Variants in CPEB4 observed in about 807,000 individuals in gnomAD.
CPEB4 encodes cytoplasmic polyadenylation element binding protein 4, also known as cytoplasmic polyadenylation element-binding protein 4.
Under a neutral mutation model 72.5 loss-of-function variants are expected in CPEB4, and 12 were observed. The observed-to-expected ratio is 0.17, with a 90% CI of 0.11 to 0.27. The LOEUF (loss-of-function observed/expected upper bound fraction) is 0.27. Among genes scored for constraint, CPEB4 ranks in the 10% least tolerant of loss-of-function variants. CPEB4 has a pLI of 1.00. For synonymous variants in CPEB4, 302 were observed against 326.3 expected (o/e 0.93, Z 0.80); for missense variants, 614 against 908.5 (o/e 0.68, Z 4.17).
intron 2 of CPEB4, among the ~76,000 whole-genome samples, chr5:173,913,164 CTTAGG>C (rs1376516350): frequency 7.3e-5 from 11 of 150,850 alleles, no homozygotes; most frequent in Non-Finnish European, 1.6e-4. Context: ...CTAACTAATA[CTTAGG>C]TTAGATAAAA....
At chr5:173,938,281 G>A (rs548182675) in intron 3 of CPEB4, among the ~76,000 whole-genome samples, 10 of 152,068 alleles carry the variant, frequency 6.6e-5, no homozygotes, top group South Asian at 4.2e-4. Flanking sequence ...GCTGGAGTGC[G>A]GTGGTGCAAT....
intron 2 of CPEB4, among the ~76,000 whole-genome samples, chr5:173,927,454 G>A (rs1757285831): frequency 6.6e-6 from 1 of 152,122 alleles, no homozygotes; most frequent in Non-Finnish European, 1.5e-5. Flanking sequence ...TTGCTTTGTA[G>A]CTACAAATAA....
chr5:173,951,868 G>A lies in CPEB4; in HGVS notation c.1710G>A (p.Met570Ile). ...ATCTCAGTGACAGTGACTTTGTGAT[G>A]GATGGTTCACAGCCACTTGACCCAC... ...PWNLSDSDFV[M>I]DGSQPLDPRK... The change falls in exon 8 of 10, where the codon ATG (methionine) becomes ATA (isoleucine). Residue 570 changes from methionine (M) to isoleucine (I), a missense_variant. Met to Ile is a conservative substitution (Grantham distance 10, BLOSUM62 1). Coordinates refer to ENST00000265085, the MANE Select transcript of CPEB4 (RefSeq NM_030627.4). The A allele has an allele frequency of 6.2e-7, 1 of 1,613,872 alleles. No individual in the cohort carries two copies. The highest frequency in any genetic ancestry group is 8.5e-7 in the Non-Finnish European group (1 of 1,179,832).
chr5:173,900,426 A>G lies in CPEB4; in HGVS notation c.1125+9568A>G, dbSNP rs1178771600. 6.6e-6 allele frequency among the ~76,000 whole-genome samples: 1 copy of G among 151,978 alleles called. No individual in the cohort carries two copies. ...GTCTCAAAAAAAAAAAAAGTTGTAC[A>G]TTAGGGTGGACCCCTCTCCCTGCTG... is the stretch of plus-strand genomic sequence containing the variant. On this transcript the variant is annotated intron_variant, in intron 1 of 9. Transcript: ENST00000265085. The surrounding 1 kb of genome is among the most constrained non-coding windows in gnomAD (Gnocchi z 4.4).
chr5:173,943,066 C>G lies in CPEB4; in HGVS notation c.1282+17C>G, dbSNP rs1554095147. ...GAAGGAGAGGTAACATTGTTTTTAACTTTTAAATGTATCACTTGTATTTGG... is the reference window on the plus strand; with the variant it reads ...GAAGGAGAGGTAACATTGTTTTTAAGTTTTAAATGTATCACTTGTATTTGG... On this transcript the variant is annotated intron_variant, in intron 4 of 9. Coordinates refer to ENST00000265085, the MANE Select transcript of CPEB4 (RefSeq NM_030627.4). 2 of 1,609,620 alleles carry G rather than the reference C, an allele frequency of 1.2e-6. No homozygotes were observed. The highest frequency in any genetic ancestry group is 1.7e-6 in the Non-Finnish European group (2 of 1,177,824).
chr5:173,899,246 T>C (rs955945136), intron 1 of CPEB4, among the ~76,000 whole-genome samples: 4 of 152,242 alleles, frequency 2.6e-5, no homozygotes, highest in African/African-American at 9.6e-5. Context: ...TGGACAATCT[T>C]GTTTCATCTA....
At chr5:173,917,743 A>G (rs1456343527) in intron 2 of CPEB4, among the ~76,000 whole-genome samples, 1 of 152,250 alleles carries the variant, frequency 6.6e-6, no homozygotes, top group Non-Finnish European at 1.5e-5. Context: ...ATAAAAAAGA[A>G]GAAGAAATGG....
At chr5:173,952,797 G>C (rs1758254834) in intron 8 of CPEB4, among the ~76,000 whole-genome samples, 1 of 152,078 alleles carries the variant, frequency 6.6e-6, no homozygotes, top group African/African-American at 2.4e-5. Flanking sequence ...CTGTGACCTT[G>C]GACAGATGGA....
intron 3 of CPEB4, among the ~76,000 whole-genome samples, chr5:173,939,369 ATAC>A (rs1757745404): frequency 6.6e-6 from 1 of 152,082 alleles, no homozygotes; most frequent in Admixed American, 6.6e-5. Context: ...ACATACATAC[ATAC>A]AAATGCCACC....
rs1281515159 is a variant in CPEB4 at position 173,957,581 on chromosome 5, T to C, written c.*1444T>C. 3 of 152,792 alleles carry C rather than the reference T, an allele frequency of 2.0e-5. No homozygotes were observed. Among genetic ancestry groups the C allele is most frequent in the Non-Finnish European group, 2.9e-5 (2 of 68,032 alleles). 9.5% of individuals were successfully genotyped at this position (152,792 alleles called of 1,614,324 possible). A position where few individuals can be genotyped will look rare whatever the true frequency, so the allele number is the denominator to read the frequency against. ...CTTCAGGGGTAAATTTAAAATAGTC[T>C]CTTGAAGCCCTAGTCATGGAAGTAA... is the stretch of plus-strand genomic sequence containing the variant. On this transcript the variant is annotated 3_prime_UTR_variant, in exon 10 of 10. Coordinates refer to ENST00000265085, the MANE Select transcript of CPEB4 (RefSeq NM_030627.4).
Position 173,943,064 on chromosome 5 carries a change from A to C in CPEB4, c.1282+15A>C. On this transcript the variant is annotated intron_variant, in intron 4 of 9. Coordinates refer to ENST00000265085, the MANE Select transcript of CPEB4 (RefSeq NM_030627.4). ...GCGAAGGAGAGGTAACATTGTTTTT[A>C]ACTTTTAAATGTATCACTTGTATTT... is the stretch of plus-strand genomic sequence containing the variant. 4 of 1,610,744 alleles carry C rather than the reference A, an allele frequency of 2.5e-6. No homozygotes were observed. Among genetic ancestry groups the C allele is most frequent in the Non-Finnish European group, 3.4e-6 (4 of 1,178,512 alleles).
chr5:173,913,691 A>G (rs1756762107), intron 2 of CPEB4, among the ~76,000 whole-genome samples: 1 of 152,200 alleles, frequency 6.6e-6, no homozygotes. Context: ...AGCTGATATT[A>G]TAGGGATAAT....
intron 1 of CPEB4, among the ~76,000 whole-genome samples, chr5:173,909,356 G>C (rs923686258): frequency 6.6e-5 from 10 of 152,052 alleles, no homozygotes; most frequent in Non-Finnish European, 1.0e-4. Flanking sequence ...GGTTGTTTGG[G>C]GACCTAATAA....
intron 1 of CPEB4, among the ~76,000 whole-genome samples, chr5:173,907,079 C>T (rs977043734): frequency 6.6e-6 from 1 of 152,054 alleles, no homozygotes; most frequent in African/African-American, 2.4e-5. Flanking sequence ...CCATCCTGGC[C>T]AACATAGTGA....
chr5:173,926,267 T>C (rs1214564460), intron 2 of CPEB4, among the ~76,000 whole-genome samples: 2 of 152,252 alleles, frequency 1.3e-5, no homozygotes, highest in African/African-American at 4.8e-5. Flanking sequence ...AAGTAATACT[T>C]ATATATACTG....
Position 173,910,553 on chromosome 5 carries a change from C to T in CPEB4, c.1156C>T (p.Leu386=), listed in dbSNP as rs767101563. Residue 386 remains leucine, a synonymous_variant, in exon 2 of 10, where the codon CTG becomes TTG. Transcript: ENST00000265085. The part of the protein sequence containing the change: ...DRPRTFDMHS[L]ESSLIDIMRA... ...CCCCAGGACATTCGACATGCACTCA[C>T]TGGAGAGTTCACTCATTGACATAAT... 1.9e-6 allele frequency: 3 copies of T among 1,613,630 alleles called. No homozygotes were observed. The highest frequency in any genetic ancestry group is 2.5e-6 in the Non-Finnish European group (3 of 1,179,648).
At chr5:173,919,451 G>A (rs889859642) in intron 2 of CPEB4, among the ~76,000 whole-genome samples, 2 of 152,216 alleles carry the variant, frequency 1.3e-5, no homozygotes, top group Non-Finnish European at 2.9e-5. Flanking sequence ...TGTCATTCAT[G>A]TGCCACATCT....
At chr5:173,923,282 A>T (rs931817981) in intron 2 of CPEB4, among the ~76,000 whole-genome samples, 1 of 152,208 alleles carries the variant, frequency 6.6e-6, no homozygotes, top group Non-Finnish European at 1.5e-5. Flanking sequence ...GTAGCATTCT[A>T]TTTTATAAAA....
chr5:173,928,835 T>G (rs960651899), intron 2 of CPEB4, among the ~76,000 whole-genome samples: 3 of 152,266 alleles, frequency 2.0e-5, no homozygotes, highest in Admixed American at 1.3e-4. Flanking sequence ...CTTTAGATAT[T>G]TTAGTTGTGG....
Sources: gnomAD v4.1 joint callset for allele counts (sites outside exome capture counted in the v4.1 genomes callset) on GRCh38, gnomAD v4.1.1 for gene constraint, Gnocchi (gnomAD v3.1) non-coding constraint, MANE v1.5 for transcripts, NCBI Gene and HGNC (gene_info 2026-07-23, HGNC 2026-07-21) for gene names.